AKAP13: variants seen among roughly 807,000 people sequenced by gnomAD.
AKAP13 encodes the protein A-kinase anchor protein 13.
AKAP13 carries 80 observed loss-of-function variants against 264.5 expected under a neutral mutation model. The observed-to-expected ratio is 0.30, with a 90% CI of 0.25 to 0.36. AKAP13 has a LOEUF of 0.36. AKAP13 is among the 10% of genes least tolerant of loss of function. The probability of loss-of-function intolerance (pLI) is 1.00; values close to 1 mark genes in which losing one functional copy is unlikely to be tolerated. For missense variants in AKAP13, 3,712 were observed against 3,435.2 expected, an observed-to-expected ratio of 1.08 and a Z score of -2.01; for synonymous variants, 1,380 against 1,250.2, an observed-to-expected ratio of 1.10 and a Z score of -2.19.
intron 9 of AKAP13, among the ~76,000 whole-genome samples, chr15:85,644,693 C>CAAAAAAAAAAAAA (rs1161365911): frequency 2.6e-4 from 27 of 103,874 alleles, no homozygotes; most frequent in Non-Finnish European, 3.0e-4. Flanking sequence ...ACTAAAAATA[C>CAAAAAAAAAAAAA]AAAAAAAAAA....
chr15:85,527,327 A>T (rs959230499), intron 3 of AKAP13, among the ~76,000 whole-genome samples: 1 of 152,274 alleles, frequency 6.6e-6, no homozygotes, highest in South Asian at 2.1e-4. Context: ...CAGCACTGGA[A>T]TCCTAGGGCA....
intron 5 of AKAP13, among the ~76,000 whole-genome samples, chr15:85,544,545 T>C (rs1359975826): frequency 6.6e-6 from 1 of 152,224 alleles, no homozygotes; most frequent in Non-Finnish European, 1.5e-5. Context: ...TGTCTGTTTT[T>C]GGGCTCAATT....
chr15:85,587,992 T>TA (rs1427982835), intron 8 of AKAP13, among the ~76,000 whole-genome samples: 2 of 151,678 alleles, frequency 1.3e-5, no homozygotes, highest in Non-Finnish European at 2.9e-5. Flanking sequence ...AACAGTGCCC[T>TA]ATGCTTTAGA....
Position 85,669,735 on chromosome 15 carries a change from C to A in AKAP13, c.5006C>A (p.Ser1669Tyr), listed in dbSNP as rs1320889815. 1 of 1,611,140 alleles carries A rather than the reference C, an allele frequency of 6.2e-7. No individual in the cohort carries two copies. ...TTTACTTCACAGATATGTCACAGAT[C>A]TAAGCAGCAGGGATTTAATTACTGT... ...RMFDQQICHRSKQQGFNYCTS... is the reference protein window; with the variant it reads ...RMFDQQICHRYKQQGFNYCTS... Residue 1669 changes from serine (S) to tyrosine (Y), a missense_variant, in exon 14 of 37, where the codon TCT (serine) becomes TAT (tyrosine). By Grantham distance (144) the Ser-to-Tyr change is moderately radical (BLOSUM62 -2). Around this residue, in one of 3 missense-constraint regions of AKAP13, gnomAD observed 2,759 missense variants for 2,411.7 expected, o/e 1.14. Transcript: ENST00000394518.
intron 9 of AKAP13, among the ~76,000 whole-genome samples, chr15:85,644,164 A>T (rs373054909): frequency 3.3e-5 from 5 of 151,852 alleles, no homozygotes; most frequent in South Asian, 4.2e-4. Context: ...TTGATAAAGC[A>T]TGCCTACCTG....
At chr15:85,464,867 T>C (rs764078005) in intron 1 of AKAP13, among the ~76,000 whole-genome samples, 6 of 152,238 alleles carry the variant, frequency 3.9e-5, no homozygotes, top group Non-Finnish European at 7.3e-5. Flanking sequence ...AGGTTAATGA[T>C]GAAACCAGAG....
At chr15:85,521,666 A>C in intron 3 of AKAP13, 91 bp downstream of exon 3, 1 of 1,372,808 alleles carries the variant, frequency 7.3e-7, no homozygotes, top group South Asian at 1.6e-5. Flanking sequence ...AGGAAGAGTG[A>C]AGTGTAGACA....
intron 8 of AKAP13, among the ~76,000 whole-genome samples, chr15:85,599,847 G>A (rs1402419091): frequency 6.6e-6 from 1 of 152,090 alleles, no homozygotes; most frequent in East Asian, 1.9e-4. Flanking sequence ...ACCAGCCTAG[G>A]CAACAAAGTG....
chr15:85,396,475 A>G (rs1309391716), intron 1 of AKAP13, among the ~76,000 whole-genome samples: 3 of 152,224 alleles, frequency 2.0e-5, no homozygotes, highest in Non-Finnish European at 2.9e-5. Flanking sequence ...AGATTTTGCT[A>G]TTCTCTACAT....
chr15:85,672,552 G>T (rs1210954944), intron 14 of AKAP13, among the ~76,000 whole-genome samples: 1 of 152,116 alleles, frequency 6.6e-6, no homozygotes, highest in African/African-American at 2.4e-5. Flanking sequence ...TTCATCTATG[G>T]TCATAGTCTC....
intron 1 of AKAP13, among the ~76,000 whole-genome samples, chr15:85,457,985 C>A (rs1279813846): frequency 1.3e-5 from 2 of 151,696 alleles, no homozygotes; most frequent in African/African-American, 4.8e-5. Flanking sequence ...ACTAAAAATA[C>A]AAAAATTAGC....
intron 1 of AKAP13, among the ~76,000 whole-genome samples, chr15:85,384,190 C>T (rs930221741): frequency 1.3e-5 from 2 of 152,214 alleles, no homozygotes; most frequent in African/African-American, 4.8e-5. Flanking sequence ...TTAAAAATTA[C>T]AGTTGGTCAC....
intron 8 of AKAP13, among the ~76,000 whole-genome samples, chr15:85,634,744 C>G (rs958246202): frequency 1.3e-5 from 2 of 152,032 alleles, no homozygotes; most frequent in Admixed American, 1.3e-4. Context: ...CTCCTTCATT[C>G]TCTGCTGATC....
At chr15:85,510,366 G>C (rs1380921407) in intron 2 of AKAP13, among the ~76,000 whole-genome samples, 1 of 152,086 alleles carries the variant, frequency 6.6e-6, no homozygotes, top group African/African-American at 2.4e-5. Context: ...GTCAGTATAT[G>C]TATTAATATA....
rs577244493 is a variant in AKAP13 at position 85,474,171 on chromosome 15, G to T, written c.-11-11539G>T. ...ACTCTCCATCAGCAGGAGTAGCAGT[G>T]GTTAAAAAACACAAGCTAACATGTT... On this transcript the variant is annotated intron_variant, in intron 1 of 36. Coordinates refer to ENST00000394518, the MANE Select transcript of AKAP13 (RefSeq NM_007200.5). Among the ~76,000 whole-genome samples the T allele has an allele frequency of 1.1e-4, 17 of 152,218 alleles. No individual in the cohort carries two copies. The East Asian group carries it at 3.3e-3, about 29-fold the overall frequency.
chr15:85,630,268 A>ACACAC (rs1392263680), intron 8 of AKAP13, among the ~76,000 whole-genome samples: 4 of 23,870 alleles, frequency 1.7e-4, no homozygotes, highest in African/African-American at 2.6e-4. Context: ...CACACACACA[A>ACACAC]ACACAATGAA....
At chr15:85,597,821 A>G (rs1199550916) in intron 8 of AKAP13, among the ~76,000 whole-genome samples, 1 of 151,948 alleles carries the variant, frequency 6.6e-6, no homozygotes, top group Admixed American at 6.6e-5. Context: ...GAAAATTGTT[A>G]CCTACCAACC....
chr15:85,571,323 T>C (rs1024833200), intron 5 of AKAP13, among the ~76,000 whole-genome samples: 1 of 152,222 alleles, frequency 6.6e-6, no homozygotes, highest in Non-Finnish European at 1.5e-5. Context: ...ATTTCAATGT[T>C]ATTGAACTTT....
intron 1 of AKAP13, among the ~76,000 whole-genome samples, chr15:85,404,999 G>A (rs1460701199): frequency 6.6e-6 from 1 of 152,110 alleles, no homozygotes; most frequent in Non-Finnish European, 1.5e-5. Context: ...AAGCTATCTG[G>A]AATGCTGTAT....
Sources: gnomAD v4.1 joint callset for allele counts (sites outside exome capture counted in the v4.1 genomes callset) on GRCh38, gnomAD v4.1.1 for gene constraint, gnomAD v4.1.1 regional missense constraint, MANE v1.5 for transcripts, NCBI Gene and HGNC (gene_info 2026-07-23, HGNC 2026-07-21) for gene names.